The following CD1B variants were observed in gnomAD, a reference collection of about 807,000 sequenced individuals.
CD1B encodes CD1b molecule.
Under a neutral mutation model 39.8 loss-of-function variants are expected in CD1B, and 43 were observed. That is an observed-to-expected ratio of 1.08 (90% CI 0.85 to 1.39). The LOEUF is 1.39. Among genes scored for constraint, CD1B ranks in the 40% most tolerant of loss-of-function variants. The pLI is 0.00. For synonymous variants in CD1B, 192 were observed against 152.5 expected (o/e 1.26, Z -1.91); for missense variants, 495 against 403.8 (o/e 1.23, Z -1.94).
chr1:158,315,217 C>T, the CD1B span, among the ~76,000 whole-genome samples: 3 of 152,134 alleles, frequency 2.0e-5, no homozygotes, highest in Non-Finnish European at 4.4e-5. Flanking sequence ...TTCTAGATCC[C>T]TGAGGAATCG....
chr1:158,298,081 G>A, the CD1B span, among the ~76,000 whole-genome samples: 3 of 152,102 alleles, frequency 2.0e-5, no homozygotes, highest in Admixed American at 2.0e-4. Context: ...AGAAAAAAGA[G>A]CAGGGGTTGC....
chr1:158,328,901 C>T lies in CD1B; in HGVS notation c.980+20G>A. ...AGAAAAGACATATTAAAAAAAAAAA[C>T]AACACCACCCACAACTCACCGGCGC... On this transcript the variant is annotated intron_variant, in intron 5 of 5. Transcript: ENST00000368168. 6.8e-7 allele frequency: 1 copy of T among 1,464,864 alleles called. No individual in the cohort carries two copies. Among genetic ancestry groups the T allele is most frequent in the Non-Finnish European group, 9.2e-7 (1 of 1,084,260 alleles). 90.7% of individuals were successfully genotyped at this position (1,464,864 alleles called of 1,614,324 possible). A position where few individuals can be genotyped will look rare whatever the true frequency, so the allele number is the denominator to read the frequency against.
At chr1:158,300,583 TA>T in the CD1B span, among the ~76,000 whole-genome samples, 1 of 152,152 alleles carries the variant, frequency 6.6e-6, no homozygotes, top group African/African-American at 2.4e-5. Flanking sequence ...AATGGAATGT[TA>T]AAGTCTCCCA....
At chr1:158,305,596 C>T in the CD1B span, among the ~76,000 whole-genome samples, 1 of 152,114 alleles carries the variant, frequency 6.6e-6, no homozygotes, top group Admixed American at 6.6e-5. Flanking sequence ...CAAAGATACT[C>T]CTCAAGAAGA....
intron 2 of CD1B, 70 bp downstream of exon 2, chr1:158,330,726 G>A (rs914922611): frequency 5.5e-6 from 8 of 1,454,866 alleles, no homozygotes; most frequent in Admixed American, 1.7e-5. Context: ...ATCAGAGAGA[G>A]CAACACTTTG....
the CD1B span, among the ~76,000 whole-genome samples, chr1:158,316,835 A>T: frequency 1.3e-5 from 2 of 151,950 alleles, no homozygotes; most frequent in African/African-American, 2.4e-5. Flanking sequence ...ACGTCCCATC[A>T]ATACCTAATT....
the CD1B span, chr1:158,292,334 G>A: frequency 6.2e-7 from 1 of 1,614,078 alleles, no homozygotes; most frequent in Non-Finnish European, 8.5e-7. Flanking sequence ...TGGGTCTCCT[G>A]GATGCAGGGA....
the CD1B span, among the ~76,000 whole-genome samples, chr1:158,318,670 G>A: frequency 0.012 from 1,817 of 152,224 alleles, 33 homozygotes; most frequent in African/African-American, 0.041. Flanking sequence ...TACATTTAAA[G>A]TTAATATTGT....
Position 158,329,905 on chromosome 1 carries a change from G to C in CD1B, c.554C>G (p.Pro185Arg). The C allele has an allele frequency of 6.2e-7, 1 of 1,614,072 alleles. No individual in the cohort carries two copies. The highest frequency in any genetic ancestry group is 8.5e-7 in the Non-Finnish European group (1 of 1,180,004). ...TVRILLYETC[P>R]RYLLGVLNAG... ...ATTGAGGACGCCCAAGAGATATCGG[G>C]GGCAGGTTTCATAGAGGAGAATTCT... Residue 185 changes from proline (P) to arginine (R), a missense_variant, in exon 3 of 6, where the codon CCC becomes CGC. Transcript: ENST00000368168.
chr1:158,289,540 T>A, the CD1B span, among the ~76,000 whole-genome samples: 1 of 151,390 alleles, frequency 6.6e-6, no homozygotes, highest in Non-Finnish European at 1.5e-5. Flanking sequence ...TGAAAAGAGG[T>A]GAAATTGGAA....
At chr1:158,314,655 T>A in the CD1B span, among the ~76,000 whole-genome samples, 2 of 151,942 alleles carry the variant, frequency 1.3e-5, no homozygotes, top group Admixed American at 6.6e-5. Context: ...TTTTTTATTT[T>A]TTTATTTTTT....
the CD1B span, among the ~76,000 whole-genome samples, chr1:158,307,476 T>C: frequency 6.6e-6 from 1 of 152,056 alleles, no homozygotes; most frequent in African/African-American, 2.4e-5. Flanking sequence ...CAGGACCCAA[T>C]GGATTCACTG....
chr1:158,325,048 C>T (rs138347871), downstream of CD1B, among the ~76,000 whole-genome samples: 306 of 151,900 alleles, frequency 2.0e-3, no homozygotes, highest in African/African-American at 6.4e-3. Context: ...CTCTTGAGAA[C>T]GGGCAAATAA....
chr1:158,291,551 C>G, the CD1B span: 1 of 814,998 alleles, frequency 1.2e-6, no homozygotes, highest in Non-Finnish European at 1.9e-6. Context: ...CTGATGTTGA[C>G]TCCCTCAAAT....
At chr1:158,306,271 G>T in the CD1B span, among the ~76,000 whole-genome samples, 1 of 152,130 alleles carries the variant, frequency 6.6e-6, no homozygotes, top group African/African-American at 2.4e-5. Flanking sequence ...AAAGGCAGTG[G>T]TTGCAAACCT....
chr1:158,330,742 AAG>A (rs1652565407), intron 2 of CD1B, 52 bp downstream of exon 2: 1 of 1,579,578 alleles, frequency 6.3e-7, no homozygotes, highest in Admixed American at 1.7e-5. Context: ...CTTTGCAAAA[AAG>A]AGAGAAAAGA....
At chr1:158,320,752 G>T in the CD1B span, among the ~76,000 whole-genome samples, 1 of 151,648 alleles carries the variant, frequency 6.6e-6, no homozygotes, top group Non-Finnish European at 1.5e-5. Flanking sequence ...TTTTCTTTTT[G>T]ATTTTTTTCA....
At chr1:158,292,859 A>G in the CD1B span, 1 of 1,614,102 alleles carries the variant, frequency 6.2e-7, no homozygotes, top group Non-Finnish European at 8.5e-7. Flanking sequence ...AGGCCAGGAC[A>G]TCATCCTCTA....
intron 4 of CD1B, 89 bp from the exon 5 acceptor site, chr1:158,329,103 A>G (rs1161814470): frequency 8.8e-7 from 1 of 1,133,230 alleles, no homozygotes; most frequent in Non-Finnish European, 1.3e-6. Flanking sequence ...CTTCCAATGT[A>G]TGGTCATTTC....
Sources: allele counts gnomAD v4.1 joint callset (sites outside exome capture counted in the v4.1 genomes callset), GRCh38; gene constraint gnomAD v4.1.1; transcripts MANE v1.5; gene names NCBI Gene and HGNC (gene_info 2026-07-23, HGNC 2026-07-21).